The following RB1 variants were observed in gnomAD, a reference collection of about 807,000 sequenced individuals.
RB1 encodes the protein RB transcriptional corepressor 1.
RB1 carries 18 observed loss-of-function variants against 135.4 expected under a neutral mutation model. The observed-to-expected ratio is 0.13, with a 90% CI of 0.09 to 0.20. The LOEUF is 0.20. RB1 is among the 10% of genes least tolerant of loss of function. The pLI, the probability that RB1 is intolerant of heterozygous loss-of-function variation, is 1.00. For missense variants in RB1, 868 were observed against 1,110.0 expected, an observed-to-expected ratio of 0.78 and a Z score of 3.10; for synonymous variants, 365 against 373.2, an observed-to-expected ratio of 0.98 and a Z score of 0.25.
chr13:48,343,548 A>T (rs996300322), intron 3 of RB1, among the ~76,000 whole-genome samples: 1 of 152,222 alleles, frequency 6.6e-6, no homozygotes, highest in African/African-American at 2.4e-5. Context: ...TAGTTCATAG[A>T]GTCAATACCT....
intron 17 of RB1, among the ~76,000 whole-genome samples, chr13:48,447,489 G>A (rs1949296658): frequency 1.3e-5 from 2 of 152,076 alleles, no homozygotes; most frequent in African/African-American, 4.8e-5. Flanking sequence ...TTGTATAATG[G>A]CACTCATAGA....
chr13:48,448,997 C>CT (rs914772097), intron 17 of RB1, among the ~76,000 whole-genome samples: 3 of 151,756 alleles, frequency 2.0e-5, no homozygotes, highest in Non-Finnish European at 4.4e-5. Context: ...GTTCTTCATG[C>CT]TTTTTTTTAT....
At chr13:48,321,676 T>G (rs779406533) in intron 2 of RB1, among the ~76,000 whole-genome samples, 68 of 151,926 alleles carry the variant, frequency 4.5e-4, no homozygotes, top group Admixed American at 1.2e-3. Context: ...GCTAACATGG[T>G]GAAACTCCGT....
chr13:48,309,207 A>G (rs1281094506), intron 2 of RB1, among the ~76,000 whole-genome samples: 1 of 152,018 alleles, frequency 6.6e-6, no homozygotes, highest in African/African-American at 2.4e-5. Flanking sequence ...AGCTATGAAC[A>G]TTTTTATGAC....
chr13:48,420,658 C>T (rs1031761343), intron 17 of RB1, among the ~76,000 whole-genome samples: 4 of 152,188 alleles, frequency 2.6e-5, no homozygotes, highest in African/African-American at 9.7e-5. Flanking sequence ...AGCCCAAAAT[C>T]TCCTTAAGCT....
intron 17 of RB1, among the ~76,000 whole-genome samples, chr13:48,448,152 A>G (rs1949302005): frequency 6.6e-6 from 1 of 152,204 alleles, no homozygotes; most frequent in African/African-American, 2.4e-5. Flanking sequence ...AGGAAGTATA[A>G]AATATTTAGT....
intron 17 of RB1, among the ~76,000 whole-genome samples, chr13:48,424,868 C>T (rs542182540): frequency 6.6e-6 from 1 of 152,022 alleles, no homozygotes; most frequent in Non-Finnish European, 1.5e-5. Flanking sequence ...GCCTGGCCAA[C>T]ATGGTGAAAC....
intron 24 of RB1, among the ~76,000 whole-genome samples, chr13:48,474,121 T>G (rs758435921): frequency 1.3e-5 from 2 of 152,172 alleles, no homozygotes; most frequent in Non-Finnish European, 2.9e-5. Context: ...GTGCACCACC[T>G]TCCTAGCACT....
In RB1 at chr13:48,367,617, T is replaced by C; in HGVS notation, c.1049+14T>C. On this transcript the variant is annotated intron_variant, in intron 10 of 26. Transcript: ENST00000267163. The stretch of plus-strand genomic sequence containing the variant: ...TTCTATAGACAGGTATTGCACATGG[T>C]ATATTTGATTGATTTGCTTTAGATA... The C allele has an allele frequency of 3.1e-6, 5 of 1,599,044 alleles. No homozygotes were observed. The South Asian group carries it at 5.5e-5, about 18-fold the overall frequency.
intron 17 of RB1, among the ~76,000 whole-genome samples, chr13:48,419,920 C>G (rs1190654158): frequency 6.6e-6 from 1 of 152,138 alleles, no homozygotes; most frequent in Non-Finnish European, 1.5e-5. Flanking sequence ...AAAAAAATCC[C>G]AGGAGCAGAT....
chr13:48,441,218 C>T (rs899713968), intron 17 of RB1, among the ~76,000 whole-genome samples: 2 of 152,284 alleles, frequency 1.3e-5, no homozygotes, highest in Admixed American at 6.5e-5. Flanking sequence ...TTACCATGTC[C>T]TCAGATGGTG....
intron 6 of RB1, among the ~76,000 whole-genome samples, chr13:48,350,533 G>A (rs1263952040): frequency 6.6e-6 from 1 of 152,090 alleles, no homozygotes; most frequent in African/African-American, 2.4e-5. Flanking sequence ...ACAGAGGGAA[G>A]TTTATAGCTG....
chr13:48,320,546 T>C (rs1952225887), intron 2 of RB1: 5 of 492,012 alleles, frequency 1.0e-5, no homozygotes, highest in East Asian at 4.1e-5. Context: ...ACTCAAAAGG[T>C]TGGCAGCGGG....
chr13:48,430,765 C>A (rs1213143064), intron 17 of RB1, among the ~76,000 whole-genome samples: 16 of 150,064 alleles, frequency 1.1e-4, no homozygotes, highest in African/African-American at 2.7e-4. Context: ...AACAAACAAA[C>A]AAAAAAAAAA....
At chr13:48,477,648 G>C (rs981995859) in intron 26 of RB1, among the ~76,000 whole-genome samples, 2 of 152,098 alleles carry the variant, frequency 1.3e-5, no homozygotes, top group African/African-American at 4.8e-5. Flanking sequence ...GTGAAACATT[G>C]CTTGACCACA....
chr13:48,406,491 T>C (rs1247913856), intron 17 of RB1: 1 of 152,202 alleles, frequency 6.6e-6, no homozygotes, highest in Non-Finnish European at 1.5e-5. Context: ...TTTCTTTTCT[T>C]GCTGAAGACA....
chr13:48,323,241 G>T (rs773450866), intron 2 of RB1, among the ~76,000 whole-genome samples: 17 of 151,938 alleles, frequency 1.1e-4, no homozygotes, highest in Admixed American at 1.3e-4. Context: ...TTCTGAATCA[G>T]TTTTTATACT....
chr13:48,311,083 A>G (rs1032821568), intron 2 of RB1, among the ~76,000 whole-genome samples: 1 of 152,154 alleles, frequency 6.6e-6, no homozygotes, highest in Non-Finnish European at 1.5e-5. Flanking sequence ...AAGGCAGGAA[A>G]CTTTGGTTGT....
chr13:48,464,878 C>T, intron 21 of RB1, 120 bp from the exon 22 acceptor site: 5 of 1,106,688 alleles, frequency 4.5e-6, no homozygotes, highest in Non-Finnish European at 3.7e-6. Context: ...TGCTTCTTAC[C>T]AGTCAAAAAG....
Sources: gnomAD v4.1 joint callset for allele counts (sites outside exome capture counted in the v4.1 genomes callset) on GRCh38, gnomAD v4.1.1 for gene constraint, MANE v1.5 for transcripts, NCBI Gene and HGNC (gene_info 2026-07-23, HGNC 2026-07-21) for gene names.